The following LSAMP variants were observed in gnomAD, a reference collection of about 807,000 sequenced individuals.
LSAMP encodes limbic system associated membrane protein.
A neutral mutation model predicts 38.6 loss-of-function variants in LSAMP; 7 were observed. The ratio of observed to expected loss-of-function variants is 0.18; its 90% confidence interval spans 0.10 to 0.34. The LOEUF (loss-of-function observed/expected upper bound fraction) is 0.34, where lower values mean the gene tolerates loss of function less well. LSAMP is among the 10% of genes least tolerant of loss of function. LSAMP has a pLI of 1.00. For synonymous variants in LSAMP, 154 were observed against 166.8 expected (o/e 0.92, Z 0.59); for missense variants, 313 against 420.0 (o/e 0.75, Z 2.23).
chr3:116,105,669 G>A (rs1708449174), intron 1 of LSAMP, among the ~76,000 whole-genome samples: 1 of 152,180 alleles, frequency 6.6e-6, no homozygotes, highest in Non-Finnish European at 1.5e-5. Flanking sequence ...AATGTCATCA[G>A]TTAAGGCGGG....
At chr3:115,874,515 C>A (rs1262421859) in intron 3 of LSAMP, among the ~76,000 whole-genome samples, 1 of 152,090 alleles carries the variant, frequency 6.6e-6, no homozygotes, top group Non-Finnish European at 1.5e-5. Flanking sequence ...TGTAAAGTCT[C>A]TGCTCCAGGC....
At chr3:116,139,623 A>G (rs145174269) in intron 1 of LSAMP, among the ~76,000 whole-genome samples, 2 of 152,106 alleles carry the variant, frequency 1.3e-5, no homozygotes, top group East Asian at 1.9e-4. Flanking sequence ...TGCAAGTTGT[A>G]TTGCCTAAGT....
intron 3 of LSAMP, among the ~76,000 whole-genome samples, chr3:115,931,558 G>A (rs1937580979): frequency 1.3e-5 from 2 of 152,128 alleles, no homozygotes; most frequent in Admixed American, 1.3e-4. Context: ...TTTAGAGCGT[G>A]TCTCCACCCC....
At chr3:116,220,773 A>G (rs2046274347) in intron 1 of LSAMP, among the ~76,000 whole-genome samples, 1 of 152,218 alleles carries the variant, frequency 6.6e-6, no homozygotes, top group Non-Finnish European at 1.5e-5. Context: ...CAATGTTGAC[A>G]TGGCCAGAAT....
chr3:116,393,123 T>G (rs964319679), intron 1 of LSAMP, among the ~76,000 whole-genome samples: 3 of 152,154 alleles, frequency 2.0e-5, no homozygotes, highest in African/African-American at 7.2e-5. Context: ...CTGCTGAATG[T>G]CGAGGCTAAA....
At chr3:115,897,064 A>C (rs775668117) in intron 3 of LSAMP, among the ~76,000 whole-genome samples, 1 of 152,082 alleles carries the variant, frequency 6.6e-6, no homozygotes, top group Non-Finnish European at 1.5e-5. Flanking sequence ...AGGAATAAGA[A>C]GCCTCGCTTA....
At chr3:115,891,911 T>C (rs569102937) in intron 3 of LSAMP, among the ~76,000 whole-genome samples, 3 of 152,016 alleles carry the variant, frequency 2.0e-5, no homozygotes, top group African/African-American at 7.2e-5. Flanking sequence ...AGTGATATGA[T>C]TATGATGTTC....
intron 3 of LSAMP, among the ~76,000 whole-genome samples, chr3:115,901,455 C>T (rs1936871875): frequency 6.6e-6 from 1 of 152,092 alleles, no homozygotes; most frequent in African/African-American, 2.4e-5. Flanking sequence ...TCAACTGTCT[C>T]CTACACATAT....
At chr3:115,975,157 C>T (rs1048008258) in intron 3 of LSAMP, among the ~76,000 whole-genome samples, 2 of 152,024 alleles carry the variant, frequency 1.3e-5, no homozygotes, top group African/African-American at 4.8e-5. Flanking sequence ...CAGTGACTCA[C>T]TCCTGTAATC....
chr3:116,060,795 C>A (rs866274755), intron 2 of LSAMP, among the ~76,000 whole-genome samples: 3 of 151,878 alleles, frequency 2.0e-5, no homozygotes, highest in South Asian at 4.2e-4. Flanking sequence ...ACAACAAGAA[C>A]AAAAACCCAC....
At chr3:116,434,030 A>G (rs1346722706) in intron 1 of LSAMP, among the ~76,000 whole-genome samples, 2 of 152,168 alleles carry the variant, frequency 1.3e-5, no homozygotes, top group African/African-American at 2.4e-5. Context: ...AATAACTGCA[A>G]TGGGAAATAT....
chr3:116,138,628 G>A (rs534665153), intron 1 of LSAMP, among the ~76,000 whole-genome samples: 1 of 152,070 alleles, frequency 6.6e-6, no homozygotes, highest in South Asian at 2.1e-4. Context: ...TTCCAGTCTG[G>A]AGGTCTCAGT....
At chr3:116,076,431 G>C (rs1707745330) in intron 2 of LSAMP, among the ~76,000 whole-genome samples, 1 of 151,860 alleles carries the variant, frequency 6.6e-6, no homozygotes, top group African/African-American at 2.4e-5. Context: ...CTAATTTTTT[G>C]TATTTTTAGT....
At chr3:116,218,019 G>A (rs2046240998) in intron 1 of LSAMP, among the ~76,000 whole-genome samples, 1 of 152,142 alleles carries the variant, frequency 6.6e-6, no homozygotes, top group African/African-American at 2.4e-5. Context: ...TTCAGCATGT[G>A]AAGTTGCTAC....
intron 3 of LSAMP, among the ~76,000 whole-genome samples, chr3:115,978,526 G>GT (rs1407290343): frequency 3.3e-5 from 5 of 151,788 alleles, no homozygotes; most frequent in Non-Finnish European, 7.4e-5. Context: ...GAAATTTTGT[G>GT]TTTTTTTAAT....
At chr3:116,396,838 G>A (rs765754284) in intron 1 of LSAMP, among the ~76,000 whole-genome samples, 10 of 152,088 alleles carry the variant, frequency 6.6e-5, no homozygotes, top group Non-Finnish European at 1.2e-4. Context: ...TGGAAGCTCC[G>A]TTCTTCCAGT....
intron 1 of LSAMP, among the ~76,000 whole-genome samples, chr3:116,315,944 G>A (rs1189262281): frequency 3.3e-5 from 5 of 152,188 alleles, no homozygotes; most frequent in Admixed American, 2.6e-4. Context: ...CATTCAGAGG[G>A]AAAAAAAGTT....
chr3:116,216,066 T>C (rs1258301896), intron 1 of LSAMP, among the ~76,000 whole-genome samples: 3 of 152,214 alleles, frequency 2.0e-5, no homozygotes, highest in Non-Finnish European at 4.4e-5. Flanking sequence ...TTTAGATGAA[T>C]CTGAAATCCA....
chr3:115,874,059 C>G (rs1034852974), intron 3 of LSAMP, among the ~76,000 whole-genome samples: 1 of 152,120 alleles, frequency 6.6e-6, no homozygotes, highest in African/African-American at 2.4e-5. Flanking sequence ...CTCTTGGAGC[C>G]TTTTCATAGT....
Sources: allele counts gnomAD v4.1 joint callset (sites outside exome capture counted in the v4.1 genomes callset), GRCh38; gene constraint gnomAD v4.1.1; transcripts MANE v1.5; gene names NCBI Gene and HGNC (gene_info 2026-07-23, HGNC 2026-07-21).